OR7C1: variants seen among roughly 807,000 people sequenced by gnomAD.
OR7C1 encodes the protein olfactory receptor 7C1.
For missense variants in OR7C1, 324 were observed against 383.3 expected (o/e 0.85, Z 1.29); for synonymous variants, 152 against 160.7 (o/e 0.95, Z 0.41).
chr19:14,811,177 A>G (rs2044689252), intron 1 of OR7C1, among the ~76,000 whole-genome samples: 1 of 151,876 alleles, frequency 6.6e-6, no homozygotes, highest in Non-Finnish European at 1.5e-5. Flanking sequence ...CTGCTGTCAC[A>G]TGTAACCACA....
chr19:14,828,970 T>A (rs1010500818), intron 1 of OR7C1, among the ~76,000 whole-genome samples: 1 of 151,622 alleles, frequency 6.6e-6, no homozygotes, highest in Non-Finnish European at 1.5e-5. Flanking sequence ...ACATAATATG[T>A]CAGATGGGAA....
At chr19:14,823,046 C>A (rs916184684) in intron 1 of OR7C1, among the ~76,000 whole-genome samples, 11 of 152,088 alleles carry the variant, frequency 7.2e-5, no homozygotes, top group South Asian at 2.1e-4. Context: ...ACTTTCGTTG[C>A]CTGTGTTTTG....
In OR7C1 at chr19:14,800,034, A is replaced by G; in HGVS notation, c.103T>C (p.Tyr35His). 1 of 1,614,164 alleles carries G rather than the reference A, an allele frequency of 6.2e-7. No individual in the cohort carries two copies. Among genetic ancestry groups the G allele is most frequent in the South Asian group, 1.1e-5 (1 of 91,082 alleles). The stretch of plus-strand genomic sequence containing the variant: ...AGGTTCCCGGTGAAAGTGACTAGGT[A>G]CATGGAGAGGAACAGCCCAAAGAGA... The change falls in exon 5 of 5, where the codon TAC becomes CAC. Residue 35 changes from tyrosine (Y) to histidine (H), a missense_variant. Physicochemically the swap from Tyr to His is moderately conservative, Grantham distance 83 (BLOSUM62 2). Coordinates refer to ENST00000641666, the Ensembl canonical transcript of OR7C1.
chr19:14,811,917 G>C (rs2044692746), intron 1 of OR7C1, among the ~76,000 whole-genome samples: 1 of 151,926 alleles, frequency 6.6e-6, no homozygotes, highest in East Asian at 1.9e-4. Context: ...GCTCCTAACA[G>C]GCTGTGGACC....
rs537456918 is a variant in OR7C1, at chr19:14,825,639, G to A, written c.-623+9435C>T. On this transcript the variant is annotated intron_variant, in intron 1 of 4. Transcript: ENST00000641666. ...GCTTTAGGAGGAGAGGACATGTAAA[G>A]CCATGTTAAGACAGTTGGCAAGCTG... The A allele has an allele frequency of 6.6e-5, 10 of 152,332 alleles. No homozygotes were observed. The East Asian group carries it at 1.7e-3, about 26-fold the overall frequency. 9.4% of individuals were successfully genotyped at this position (152,332 alleles called of 1,614,324 possible).
In OR7C1 at chr19:14,800,254, G is replaced by T; in HGVS notation, c.-14+2C>A. 8.3e-7 allele frequency: 1 copy of T among 1,202,756 alleles called. No homozygotes were observed. The highest frequency in any genetic ancestry group is 1.2e-6 in the Non-Finnish European group (1 of 867,948). 74.5% of individuals were successfully genotyped at this position (1,202,756 alleles called of 1,614,324 possible). A position where few individuals can be genotyped will look rare whatever the true frequency, so the allele number is the denominator to read the frequency against. Reference sequence around the variant, plus strand: ...TGAAGGAATCAATTAACAAAAGATTGCCTTTTTCTTGCTGTCTTTTTCTGG... The same window carrying T: ...TGAAGGAATCAATTAACAAAAGATTTCCTTTTTCTTGCTGTCTTTTTCTGG... On this transcript the variant is annotated splice_donor_variant, in intron 4 of 4. Coordinates refer to ENST00000641666, the Ensembl canonical transcript of OR7C1. LOFTEE classifies it low-confidence loss of function (5UTR_SPLICE).
intron 2 of OR7C1, among the ~76,000 whole-genome samples, chr19:14,805,846 G>A (rs1191496831): frequency 1.3e-5 from 2 of 151,832 alleles, no homozygotes; most frequent in Admixed American, 6.6e-5. Context: ...AACTTTGAGA[G>A]GGACCAGCTA....
intron 1 of OR7C1, among the ~76,000 whole-genome samples, chr19:14,818,057 A>ATTTTT (rs1555695166): frequency 1.4e-5 from 2 of 138,622 alleles, no homozygotes; most frequent in East Asian, 2.1e-4. Context: ...CATACATTTT[A>ATTTTT]TTTATTTTAT....
chr19:14,820,124 T>C (rs939583030), intron 1 of OR7C1, among the ~76,000 whole-genome samples: 1 of 152,114 alleles, frequency 6.6e-6, no homozygotes, highest in African/African-American at 2.4e-5. Flanking sequence ...GCAGTCAGGC[T>C]GGTCTCAAAC....
intron 1 of OR7C1, among the ~76,000 whole-genome samples, chr19:14,811,689 C>T (rs2044691629): frequency 6.6e-6 from 1 of 151,868 alleles, no homozygotes; most frequent in Non-Finnish European, 1.5e-5. Flanking sequence ...TGCTGACCCC[C>T]AGCTTAGAGG....
intron 1 of OR7C1, among the ~76,000 whole-genome samples, chr19:14,833,066 C>A (rs2145087379): frequency 6.6e-6 from 1 of 152,260 alleles, no homozygotes; most frequent in South Asian, 2.1e-4. Flanking sequence ...GCTTGTATTT[C>A]AATTTAGTTA....
At chr19:14,829,860 C>T (rs1346553582) in intron 1 of OR7C1, among the ~76,000 whole-genome samples, 1 of 152,200 alleles carries the variant, frequency 6.6e-6, no homozygotes, top group African/African-American at 2.4e-5. Context: ...CACACACTCA[C>T]TCACACACAC....
At chr19:14,825,104 G>A (rs921665223) in intron 1 of OR7C1, 2 of 152,206 alleles carry the variant, frequency 1.3e-5, no homozygotes, top group Non-Finnish European at 2.9e-5. Flanking sequence ...GGTGGTGTGA[G>A]CCTGTGGTTC....
chr19:14,803,307 C>CAAAAAAAAAAAA (rs553496845), intron 2 of OR7C1, among the ~76,000 whole-genome samples: 1 of 83,594 alleles, frequency 1.2e-5, no homozygotes, highest in Non-Finnish European at 2.3e-5. Flanking sequence ...ACTATGTCTC[C>CAAAAAAAAAAAA]AAAAAAAAAA....
At chr19:14,799,010 A>G (rs2044624955) in exon 5 of OR7C1, 1 of 774,140 alleles carries the variant, frequency 1.3e-6, no homozygotes, top group Admixed American at 3.6e-5. Context: ...AAACCTTGCC[A>G]AGGACTCTGT....
chr19:14,813,086 A>AG (rs2044698962), intron 1 of OR7C1, among the ~76,000 whole-genome samples: 1 of 151,950 alleles, frequency 6.6e-6, no homozygotes, highest in African/African-American at 2.4e-5. Context: ...AAAAAAAAAA[A>AG]AAATTATCCG....
exon 5 of OR7C1, chr19:14,799,361 T>A: frequency 6.2e-7 from 1 of 1,614,064 alleles, no homozygotes; most frequent in Non-Finnish European, 8.5e-7. Context: ...AGAACTGAGA[T>A]AGACCCCAAA....
chr19:14,799,376 G>T, exon 5 of OR7C1: 1 of 1,614,064 alleles, frequency 6.2e-7, no homozygotes, highest in Non-Finnish European at 8.5e-7. Context: ...CCCAAAGCCC[G>T]TGCCATAGAA....
intron 1 of OR7C1, among the ~76,000 whole-genome samples, chr19:14,831,734 C>T (rs1239355853): frequency 1.3e-5 from 2 of 148,958 alleles, no homozygotes; most frequent in South Asian, 2.1e-4. Flanking sequence ...TGAGCCACCG[C>T]GCCTGGCCTA....
Sources: allele counts gnomAD v4.1 joint callset (sites outside exome capture counted in the v4.1 genomes callset), GRCh38; gene constraint gnomAD v4.1.1; transcripts MANE v1.5; gene names NCBI Gene and HGNC (gene_info 2026-07-23, HGNC 2026-07-21).